THSD7A: variants seen among roughly 807,000 people sequenced by gnomAD.
THSD7A encodes thrombospondin type-1 domain-containing protein 7A.
In THSD7A, 96 loss-of-function variants were observed where a neutral mutation model predicts 231.3. That is an observed-to-expected ratio of 0.41 (90% CI 0.35 to 0.49). THSD7A has a LOEUF of 0.49. THSD7A is among the 20% of genes least tolerant of loss of function. The pLI is 0.05. For missense variants in THSD7A, 2,290 were observed against 2,070.2 expected (o/e 1.11, Z -2.06); for synonymous variants, 940 against 743.3 (o/e 1.26, Z -4.30).
chr7:11,648,671 A>T lies in THSD7A; in HGVS notation c.191-11710T>A, dbSNP rs182130022. On this transcript the variant is annotated intron_variant, in intron 1 of 27. Coordinates refer to ENST00000423059, the MANE Select transcript of THSD7A (RefSeq NM_015204.3). Reference sequence around the variant, plus strand: ...GTGTGTGTGTGTGTGTGTGTGTATCATGCTTTTCTTTTCTTCTCCTAGATG... The same window carrying T: ...GTGTGTGTGTGTGTGTGTGTGTATCTTGCTTTTCTTTTCTTCTCCTAGATG... Among the ~76,000 whole-genome samples the T allele has an allele frequency of 1.6e-3, 85 of 53,674 alleles. 2 individuals carry two copies. The East Asian group carries it at 0.038, about 24-fold the overall frequency. 35.2% of individuals were successfully genotyped at this position (53,674 alleles called of 152,430 possible).
At chr7:11,428,155 A>G (rs1216059138) in intron 14 of THSD7A, among the ~76,000 whole-genome samples, 2 of 152,174 alleles carry the variant, frequency 1.3e-5, no homozygotes, top group Admixed American at 6.5e-5. Flanking sequence ...ATATTTAAGG[A>G]CTTGATTCAT....
At chr7:11,733,461 A>C (rs1781805200) in intron 1 of THSD7A, among the ~76,000 whole-genome samples, 1 of 151,918 alleles carries the variant, frequency 6.6e-6, no homozygotes, top group Non-Finnish European at 1.5e-5. Flanking sequence ...AAAATAATGG[A>C]ATTTCAAGAG....
intron 1 of THSD7A, among the ~76,000 whole-genome samples, chr7:11,668,146 A>C (rs1338985294): frequency 6.6e-6 from 1 of 152,124 alleles, no homozygotes; most frequent in East Asian, 1.9e-4. Flanking sequence ...CCTCAAAAGA[A>C]ATGGAAGGCC....
At chr7:11,402,768 G>C (rs994235230) in intron 22 of THSD7A, among the ~76,000 whole-genome samples, 4 of 152,076 alleles carry the variant, frequency 2.6e-5, no homozygotes, top group Non-Finnish European at 5.9e-5. Context: ...ATTTATGTTT[G>C]TGAAATCCAT....
chr7:11,648,639 T>C (rs1420035100), intron 1 of THSD7A, among the ~76,000 whole-genome samples: 2 of 146,696 alleles, frequency 1.4e-5, no homozygotes, highest in South Asian at 2.2e-4. Flanking sequence ...TTTTGTGGCG[T>C]GTGTGTGTGT....
At chr7:11,746,394 T>C (rs912159084) in intron 1 of THSD7A, among the ~76,000 whole-genome samples, 1 of 151,888 alleles carries the variant, frequency 6.6e-6, no homozygotes, top group Non-Finnish European at 1.5e-5. Flanking sequence ...ACTGATGTCC[T>C]TTTTCTGTTC....
chr7:11,418,366 A>G (rs1251928882), intron 16 of THSD7A, among the ~76,000 whole-genome samples: 1 of 152,096 alleles, frequency 6.6e-6, no homozygotes, highest in Non-Finnish European at 1.5e-5. Context: ...ATCTTTTGGG[A>G]GTCTAATTAA....
intron 18 of THSD7A, among the ~76,000 whole-genome samples, chr7:11,412,113 A>G (rs931721747): frequency 3.3e-5 from 5 of 152,202 alleles, no homozygotes; most frequent in African/African-American, 1.2e-4. Flanking sequence ...CCTTGATGGT[A>G]TTAAATGAGT....
intron 6 of THSD7A, among the ~76,000 whole-genome samples, chr7:11,531,639 G>A (rs1562690991): frequency 6.6e-6 from 1 of 152,124 alleles, no homozygotes; most frequent in Admixed American, 6.6e-5. Flanking sequence ...CTTCACAGAT[G>A]TCACTCCATC....
At chr7:11,801,426 G>A (rs1028087406) in intron 1 of THSD7A, among the ~76,000 whole-genome samples, 1 of 152,080 alleles carries the variant, frequency 6.6e-6, no homozygotes, top group Non-Finnish European at 1.5e-5. Context: ...TGCGAAGTAT[G>A]GATAAGTGAA....
chr7:11,665,018 G>A (rs748029455), intron 1 of THSD7A, among the ~76,000 whole-genome samples: 5 of 152,102 alleles, frequency 3.3e-5, no homozygotes, highest in East Asian at 1.9e-4. Flanking sequence ...AGGAGATATC[G>A]ATACCAATTC....
intron 4 of THSD7A, among the ~76,000 whole-genome samples, chr7:11,546,849 T>A (rs1789420931): frequency 1.3e-5 from 2 of 151,938 alleles, no homozygotes; most frequent in Non-Finnish European, 2.9e-5. Context: ...ATAGCTTTTT[T>A]AAGAAAAAAA....
intron 4 of THSD7A, among the ~76,000 whole-genome samples, chr7:11,567,269 C>T (rs755142392): frequency 2.0e-5 from 3 of 152,044 alleles, no homozygotes; most frequent in African/African-American, 2.4e-5. Flanking sequence ...ACACTTCCCC[C>T]TCAAGGCAGC....
intron 6 of THSD7A, among the ~76,000 whole-genome samples, chr7:11,499,132 C>A (rs1438260248): frequency 6.6e-6 from 1 of 152,208 alleles, no homozygotes; most frequent in Admixed American, 6.5e-5. Flanking sequence ...CTTATCCACA[C>A]CTCCAACAAG....
At chr7:11,775,617 A>G (rs1052678954) in intron 1 of THSD7A, among the ~76,000 whole-genome samples, 1 of 152,208 alleles carries the variant, frequency 6.6e-6, no homozygotes, top group Non-Finnish European at 1.5e-5. Context: ...TTTCACTTAT[A>G]TGAAGTACCT....
intron 1 of THSD7A, among the ~76,000 whole-genome samples, chr7:11,721,002 T>C (rs1334812057): frequency 6.6e-6 from 1 of 151,858 alleles, no homozygotes. Flanking sequence ...TATAATCTTG[T>C]GCCTTTGATT....
At chr7:11,720,955 A>G (rs1196266221) in intron 1 of THSD7A, among the ~76,000 whole-genome samples, 1 of 151,348 alleles carries the variant, frequency 6.6e-6, no homozygotes, top group African/African-American at 2.4e-5. Context: ...GTCCTCTTCT[A>G]TTTTTGCTCT....
chr7:11,794,779 C>T (rs1053103570), intron 1 of THSD7A, among the ~76,000 whole-genome samples: 1 of 151,916 alleles, frequency 6.6e-6, no homozygotes, highest in African/African-American at 2.4e-5. Flanking sequence ...CCTACAAAAG[C>T]ATATGTGCCA....
chr7:11,595,460 AG>A (rs996193930), intron 2 of THSD7A, among the ~76,000 whole-genome samples: 8 of 152,146 alleles, frequency 5.3e-5, no homozygotes, highest in Non-Finnish European at 1.0e-4. Flanking sequence ...AGTTAAAAAA[AG>A]GTTCTAATGG....
Sources: allele counts gnomAD v4.1 joint callset (sites outside exome capture counted in the v4.1 genomes callset), GRCh38; gene constraint gnomAD v4.1.1; transcripts MANE v1.5; gene names NCBI Gene and HGNC (gene_info 2026-07-23, HGNC 2026-07-21).